PDSS1: variants seen among roughly 807,000 people sequenced by gnomAD.
PDSS1 encodes decaprenyl diphosphate synthase subunit 1.
Under a neutral mutation model 57.5 loss-of-function variants are expected in PDSS1, and 43 were observed. The observed-to-expected ratio is 0.75, with a 90% confidence interval of 0.59 to 0.96. The LOEUF is 0.96. Ranked by LOEUF, PDSS1 falls within the 50% of genes least tolerant of loss-of-function variation. PDSS1 has a pLI of 0.00. For missense variants in PDSS1, 438 were observed against 527.8 expected (o/e 0.83, Z 1.67); for synonymous variants, 175 against 191.3 (o/e 0.91, Z 0.70).
chr10:26,700,428 ACCT>A (rs1327685244), intron 1 of PDSS1, among the ~76,000 whole-genome samples: 1 of 151,874 alleles, frequency 6.6e-6, no homozygotes, highest in East Asian at 1.9e-4. Flanking sequence ...ACTTAGTGAG[ACCT>A]CCTGATATGG....
intron 3 of PDSS1, 67 bp from the exon 4 acceptor site, chr10:26,705,219 C>T: frequency 1.2e-6 from 1 of 854,108 alleles, no homozygotes; most frequent in African/African-American, 1.7e-5. Context: ...GTATCTGAGT[C>T]TACTAAATAT....
In PDSS1 at chr10:26,735,554, G is replaced by C; in HGVS notation, c.1001G>C (p.Gly334Ala). The part of the protein sequence containing the change: ...SADLKLGLAT[G>A]PVLFACQQFP... ...GATCTGAAGCTCGGGTTAGCCACTG[G>C]TCCTGTCCTGTTTGCCTGTCAGCAG... The change falls in exon 10 of 12, where the codon GGT becomes GCT. Residue 334 changes from glycine (G) to alanine (A), a missense_variant. By Grantham distance (60) the Gly-to-Ala change is moderately conservative. Around this residue, in one of 2 missense-constraint regions of PDSS1, gnomAD observed 284 missense variants for 390.7 expected, o/e 0.73. Coordinates refer to ENST00000376215, the MANE Select transcript of PDSS1 (RefSeq NM_014317.5). 2 of 1,613,116 alleles carry C rather than the reference G, an allele frequency of 1.2e-6. No individual in the cohort carries two copies. Among genetic ancestry groups the C allele is most frequent in the Non-Finnish European group, 1.7e-6 (2 of 1,179,042 alleles).
chr10:26,720,952 G>T (rs1049178447), intron 6 of PDSS1, among the ~76,000 whole-genome samples: 2 of 152,170 alleles, frequency 1.3e-5, no homozygotes, highest in Admixed American at 6.6e-5. Context: ...AAGTTGAACA[G>T]ATGAGAATGA....
chr10:26,733,564 A>G (rs1278313995), intron 8 of PDSS1, among the ~76,000 whole-genome samples: 1 of 152,162 alleles, frequency 6.6e-6, no homozygotes, highest in Non-Finnish European at 1.5e-5. Flanking sequence ...AGTTGTCAAA[A>G]AGCATTCTCA....
rs149602735 is a variant in PDSS1 at position 26,741,870 on chromosome 10, C to T, written c.1027-627C>T. 2.3e-3 allele frequency among the ~76,000 whole-genome samples: 355 copies of T among 152,132 alleles called. 2 individuals are homozygous for T. The highest frequency in any genetic ancestry group is 4.0e-3 in the African/African-American group (166 of 41,524). Reference sequence around the variant, plus strand: ...CTGATACGATTTAAAGTTTAACAACCATGTTGTTTTTTATTTTTTATTTGA... The same window carrying T: ...CTGATACGATTTAAAGTTTAACAACTATGTTGTTTTTTATTTTTTATTTGA... On this transcript the variant is annotated intron_variant, in intron 10 of 11. Transcript: ENST00000376215.
intron 10 of PDSS1, among the ~76,000 whole-genome samples, chr10:26,740,193 C>T (rs1358847080): frequency 4.6e-5 from 7 of 151,846 alleles, no homozygotes; most frequent in Non-Finnish European, 1.0e-4. Context: ...CCTGTAGTCC[C>T]AGCTACTCGG....
intron 5 of PDSS1, among the ~76,000 whole-genome samples, chr10:26,714,153 C>G (rs960818693): frequency 9.9e-5 from 15 of 152,090 alleles, no homozygotes; most frequent in Admixed American, 9.2e-4. Flanking sequence ...AACCCAAGCT[C>G]ATTTTATTAA....
chr10:26,700,377 G>T (rs1015919261), intron 1 of PDSS1, among the ~76,000 whole-genome samples: 8 of 152,006 alleles, frequency 5.3e-5, no homozygotes, highest in Non-Finnish European at 1.0e-4. Context: ...GCCGAGGCAG[G>T]AGAATCCCTT....
chr10:26,706,658 C>A (rs1023816404), intron 4 of PDSS1, among the ~76,000 whole-genome samples: 1 of 152,304 alleles, frequency 6.6e-6, no homozygotes, highest in African/African-American at 2.4e-5. Context: ...CCCTCCCTTC[C>A]CTCACAGTAT....
chr10:26,729,217 A>T (rs1836080089), intron 8 of PDSS1, among the ~76,000 whole-genome samples: 1 of 151,996 alleles, frequency 6.6e-6, no homozygotes. Flanking sequence ...CTGGCAGGAG[A>T]TATTCAGCCC....
intron 11 of PDSS1, among the ~76,000 whole-genome samples, 199 bp downstream of exon 11, chr10:26,742,776 ATGTTT>A (rs1162109189): frequency 2.6e-5 from 4 of 151,754 alleles, no homozygotes; most frequent in East Asian, 2.0e-4. Flanking sequence ...TACTTACGAA[ATGTTT>A]TGTTTTAACT....
intron 1 of PDSS1, 49 bp downstream of exon 1, chr10:26,697,889 A>G: frequency 8.0e-7 from 1 of 1,247,208 alleles, no homozygotes; most frequent in Non-Finnish European, 1.0e-6. Flanking sequence ...TCACGGCTCC[A>G]ATGACAGCAG....
At chr10:26,698,338 G>C (rs1051420672) in intron 1 of PDSS1, among the ~76,000 whole-genome samples, 1 of 152,176 alleles carries the variant, frequency 6.6e-6, no homozygotes, top group Non-Finnish European at 1.5e-5. Flanking sequence ...TGCAGGGCTG[G>C]TGCTAGGGTG....
chr10:26,701,611 T>C (rs1300822845), intron 1 of PDSS1, among the ~76,000 whole-genome samples: 1 of 152,238 alleles, frequency 6.6e-6, no homozygotes, highest in Non-Finnish European at 1.5e-5. Flanking sequence ...ATTTGGGAAC[T>C]TCTGCCTAGA....
intron 4 of PDSS1, among the ~76,000 whole-genome samples, 181 bp from the exon 5 acceptor site, chr10:26,709,457 G>A (rs1193820269): frequency 1.3e-5 from 2 of 151,972 alleles, no homozygotes; most frequent in Non-Finnish European, 2.9e-5. Context: ...GCTGCTTGCG[G>A]GGCTGAGGCA....
chr10:26,735,505 C>G lies in PDSS1; in HGVS notation c.952C>G (p.Gln318Glu). 1 of 1,613,880 alleles carries G rather than the reference C, an allele frequency of 6.2e-7. No individual in the cohort carries two copies. Among genetic ancestry groups the G allele is most frequent in the Non-Finnish European group, 8.5e-7 (1 of 1,179,794 alleles). The change falls in exon 10 of 12, where the codon CAG (glutamine) becomes GAG (glutamate). Residue 318 changes from glutamine (Q) to glutamate (E), a missense_variant. Gln to Glu is a conservative substitution (Grantham distance 29). This residue lies in a region of PDSS1 where 284 missense variants were observed against 390.7 expected (regional missense o/e 0.73). Coordinates refer to ENST00000376215, the MANE Select transcript of PDSS1 (RefSeq NM_014317.5). The stretch of plus-strand genomic sequence containing the variant: ...ATTGGACTTCACCTCGTGTTCTGAC[C>G]AGATGGGCAAACCAACATCAGCTGA... ...DVLDFTSCSD[Q>E]MGKPTSADLK...
At chr10:26,738,672 A>G (rs1320683935) in intron 10 of PDSS1, among the ~76,000 whole-genome samples, 1 of 152,174 alleles carries the variant, frequency 6.6e-6, no homozygotes, top group Non-Finnish European at 1.5e-5. Context: ...TGAACACTGG[A>G]CCAGGACAAG....
chr10:26,714,841 A>G (rs1255273895), intron 5 of PDSS1: 2 of 152,244 alleles, frequency 1.3e-5, no homozygotes, highest in African/African-American at 4.8e-5. Context: ...TATTAGACAC[A>G]GTTTTCACAG....
At chr10:26,698,536 C>T (rs1834949906) in intron 1 of PDSS1, among the ~76,000 whole-genome samples, 1 of 152,198 alleles carries the variant, frequency 6.6e-6, no homozygotes, top group Admixed American at 6.5e-5. Flanking sequence ...GTTCCGATCT[C>T]CTTTTTCTCC....
Sources: allele counts gnomAD v4.1 joint callset (sites outside exome capture counted in the v4.1 genomes callset), GRCh38; gene constraint gnomAD v4.1.1; regional missense constraint gnomAD v4.1.1; transcripts MANE v1.5; gene names NCBI Gene and HGNC (gene_info 2026-07-23, HGNC 2026-07-21).